DPYSL3: variants seen among roughly 807,000 people sequenced by gnomAD.
DPYSL3 encodes the protein dihydropyrimidinase-related protein 3.
Under a neutral mutation model 66.1 loss-of-function variants are expected in DPYSL3, and 16 were observed. The observed-to-expected ratio is 0.24, with a 90% CI of 0.16 to 0.37. The LOEUF is 0.37. DPYSL3 is among the 10% of genes least tolerant of loss of function. The probability of loss-of-function intolerance (pLI) is 1.00; values close to 1 mark genes in which losing one functional copy is unlikely to be tolerated. For synonymous variants in DPYSL3, 338 were observed against 345.1 expected, an observed-to-expected ratio of 0.98 and a Z score of 0.23; for missense variants, 738 against 916.2, an observed-to-expected ratio of 0.81 and a Z score of 2.51.
Position 147,509,405 on chromosome 5 carries a change from TGCCCGG to T in DPYSL3, c.381+67_381+72del. 2 of 1,439,074 alleles carry T rather than the reference TGCCCGG, an allele frequency of 1.4e-6. No individual in the cohort carries two copies. The highest frequency in any genetic ancestry group is 1.8e-6 in the Non-Finnish European group (2 of 1,098,522). The allele number at this position is 1,439,074 out of a possible 1,614,324, so 89.1% of individuals were successfully genotyped here. A position where few individuals can be genotyped will look rare whatever the true frequency, so the allele number is the denominator to read the frequency against. ...GTGCAAAGTGAGCTGGAGAAAGTTGTGCCCGGGCCATGGCGGCCAGGGCTGGAGAAA... is the reference window on the plus strand; with the variant it reads ...GTGCAAAGTGAGCTGGAGAAAGTTGTGCCATGGCGGCCAGGGCTGGAGAAA... On this transcript the variant is annotated intron_variant, in intron 1 of 13. Transcript: ENST00000343218. This position sits in a 1 kb window ranked among gnomAD's most constrained non-coding sequence, Gnocchi z 5.3.
chr5:147,400,803 G>A lies in DPYSL3; in HGVS notation c.1341C>T (p.His447=). The part of the protein sequence containing the change: ...SGDLQLSGSA[H]CTFSTAQKAI... The stretch of plus-strand genomic sequence containing the variant: ...CTTTCTGGGCAGTGCTGAAGGTGCA[G>A]TGGGCACTCCCAGATAGCTGCAGAT... The change falls in exon 10 of 14, where the codon CAC becomes CAT. Residue 447 remains histidine, a synonymous_variant. Coordinates refer to ENST00000343218, the MANE Select transcript of DPYSL3 (RefSeq NM_001197294.2). 1 of 1,614,160 alleles carries A rather than the reference G, an allele frequency of 6.2e-7. No homozygotes were observed. Among genetic ancestry groups the A allele is most frequent in the East Asian group, 2.2e-5 (1 of 44,884 alleles).
intron 6 of DPYSL3, among the ~76,000 whole-genome samples, chr5:147,410,469 C>G (rs1374654318): frequency 2.6e-5 from 4 of 152,092 alleles, no homozygotes; most frequent in Non-Finnish European, 5.9e-5. Flanking sequence ...CTGATGCTAC[C>G]TTACATGGGG....
chr5:147,480,328 G>A (rs1035381904), intron 1 of DPYSL3, among the ~76,000 whole-genome samples: 1 of 152,148 alleles, frequency 6.6e-6, no homozygotes, highest in Non-Finnish European at 1.5e-5. Flanking sequence ...AACCTGTAGG[G>A]CAGCACCCCT....
intron 1 of DPYSL3, among the ~76,000 whole-genome samples, chr5:147,491,100 C>A (rs1286610427): frequency 6.6e-6 from 1 of 152,180 alleles, no homozygotes; most frequent in African/African-American, 2.4e-5. Flanking sequence ...GCCTAACCTA[C>A]TTGGAGAACA....
rs1478112708 is a variant in DPYSL3, at chr5:147,410,489, G to A, written c.964-1693C>T. 2.0e-5 allele frequency among the ~76,000 whole-genome samples: 3 copies of A among 152,046 alleles called. No homozygotes were observed. In the East Asian group the frequency reaches 5.8e-4, roughly 29 times the overall value. On this transcript the variant is annotated intron_variant, in intron 6 of 13. Coordinates refer to ENST00000343218, the MANE Select transcript of DPYSL3 (RefSeq NM_001197294.2). ...GCTACCTTACATGGGGATAGCAGTGGGCCTGTTGTGGCATTCATCACAGCT... is the reference window on the plus strand; with the variant it reads ...GCTACCTTACATGGGGATAGCAGTGAGCCTGTTGTGGCATTCATCACAGCT...
rs1753734487 is a variant in DPYSL3 at position 147,509,830 on chromosome 5, C to T, written c.29G>A (p.Ser10Asn). The T allele has an allele frequency of 2.0e-6, 3 of 1,533,036 alleles. No individual in the cohort carries two copies. Among genetic ancestry groups the T allele is most frequent in the Non-Finnish European group, 1.7e-6 (2 of 1,144,678 alleles). 95.0% of individuals were successfully genotyped at this position (1,533,036 alleles called of 1,614,324 possible). A position where few individuals can be genotyped will look rare whatever the true frequency, so the allele number is the denominator to read the frequency against. Reference sequence around the variant, plus strand: ...CACGGGCAGATCGTCTTCGTGGGAGCTGTCCCAGCCCCTCCGGCCCGAGGC... The same window carrying T: ...CACGGGCAGATCGTCTTCGTGGGAGTTGTCCCAGCCCCTCCGGCCCGAGGC... MASGRRGWD[S>N]SHEDDLPVYL... The change falls in exon 1 of 14, where the codon AGC becomes AAC. Residue 10 changes from serine (S) to asparagine (N), a missense_variant. Physicochemically the swap from Ser to Asn is conservative, Grantham distance 46. Transcript: ENST00000343218. The surrounding 1 kb of genome is among the most constrained non-coding windows in gnomAD (Gnocchi z 5.3).
chr5:147,497,895 CTTCTCTCTCTCTCTCTCTCT>C (rs1161169234), intron 1 of DPYSL3, among the ~76,000 whole-genome samples: 1 of 150,876 alleles, frequency 6.6e-6, no homozygotes, highest in Non-Finnish European at 1.5e-5. Flanking sequence ...CCTTCCTTCC[CTTCTCTCTCTCTCTCTCTCT>C]TTCTCTCTCT....
At position 147,510,030 on chromosome 5, in the gene DPYSL3, C is replaced by A; in HGVS notation, c.-172G>T. Reference sequence around the variant, plus strand: ...TGCTTGTCCCTAGCGAGCCAGCGAGCCACACAGCCAGCTAGCGCGCGGAGC... The same window carrying A: ...TGCTTGTCCCTAGCGAGCCAGCGAGACACACAGCCAGCTAGCGCGCGGAGC... On this transcript the variant is annotated 5_prime_UTR_variant, in exon 1 of 14. Transcript: ENST00000343218. 2 of 1,137,504 alleles carry A rather than the reference C, an allele frequency of 1.8e-6. No individual in the cohort carries two copies. The highest frequency in any genetic ancestry group is 2.4e-6 in the Non-Finnish European group (2 of 839,594). 70.5% of individuals were successfully genotyped at this position (1,137,504 alleles called of 1,614,324 possible).
At chr5:147,493,411 A>C (rs1753445885) in intron 1 of DPYSL3, among the ~76,000 whole-genome samples, 1 of 152,170 alleles carries the variant, frequency 6.6e-6, no homozygotes, top group African/African-American at 2.4e-5. Flanking sequence ...CATCTCTACA[A>C]AAAATTTAAC....
chr5:147,425,251 C>T (rs576506960), intron 1 of DPYSL3, among the ~76,000 whole-genome samples: 14 of 152,268 alleles, frequency 9.2e-5, no homozygotes, highest in African/African-American at 2.9e-4. Flanking sequence ...GGGAGACATC[C>T]TTTATATTAT....
chr5:147,419,566 C>T (rs1426600930), intron 2 of DPYSL3, among the ~76,000 whole-genome samples: 1 of 152,160 alleles, frequency 6.6e-6, no homozygotes, highest in Non-Finnish European at 1.5e-5. Flanking sequence ...AACAGGGAGA[C>T]CTATGATTCA....
At chr5:147,402,341 C>CTTTTTTTTTTTTTTTTTTTT in intron 8 of DPYSL3, among the ~76,000 whole-genome samples, 1 of 135,048 alleles carries the variant, frequency 7.4e-6, no homozygotes, top group Non-Finnish European at 1.5e-5. Context: ...ACTCTCATGA[C>CTTTTTTTTTTTTTTTTTTTT]TTTTTTTTTT....
intron 4 of DPYSL3, among the ~76,000 whole-genome samples, chr5:147,413,982 T>G (rs1751911872): frequency 6.6e-6 from 1 of 152,204 alleles, no homozygotes; most frequent in Non-Finnish European, 1.5e-5. Context: ...GCATTAAGAA[T>G]CACTCTAGCA....
chr5:147,448,797 G>C (rs1240276974), intron 1 of DPYSL3, among the ~76,000 whole-genome samples: 6 of 152,194 alleles, frequency 3.9e-5, no homozygotes, highest in Non-Finnish European at 5.9e-5. Context: ...TATACCTGAG[G>C]CCTTCTCCTA....
chr5:147,506,026 T>G (rs1204592713), intron 1 of DPYSL3, among the ~76,000 whole-genome samples: 1 of 148,098 alleles, frequency 6.8e-6, no homozygotes, highest in Non-Finnish European at 1.5e-5. Flanking sequence ...TGGGGTTCAA[T>G]TTCCTTATCG....
At chr5:147,505,152 A>T (rs943147790) in intron 1 of DPYSL3, among the ~76,000 whole-genome samples, 5 of 152,188 alleles carry the variant, frequency 3.3e-5, no homozygotes, top group Non-Finnish European at 7.3e-5. Context: ...CTCTAAATAC[A>T]CAATTTAAGA....
rs1757783087 is a variant in DPYSL3, at chr5:147,390,987, C to G, written c.*3048G>C. On this transcript the variant is annotated 3_prime_UTR_variant, in exon 14 of 14. Transcript: ENST00000343218. ...AGATCACAGGAGATTACTGTCTGTC[C>G]ATACCCACCAGACACAGAACTGAAC... The G allele has an allele frequency of 6.5e-6, 1 of 152,704 alleles. No homozygotes were observed. Among genetic ancestry groups the G allele is most frequent in the South Asian group, 2.1e-4 (1 of 4,830 alleles). 9.5% of individuals were successfully genotyped at this position (152,704 alleles called of 1,614,324 possible).
intron 4 of DPYSL3, 57 bp downstream of exon 4, chr5:147,415,652 G>A: frequency 6.3e-7 from 1 of 1,582,428 alleles, no homozygotes; most frequent in Non-Finnish European, 8.6e-7. Flanking sequence ...GGATGGTGTT[G>A]GAAGGACTGG....
chr5:147,457,265 C>T (rs1057309652), intron 1 of DPYSL3, among the ~76,000 whole-genome samples: 1 of 152,260 alleles, frequency 6.6e-6, no homozygotes, highest in East Asian at 1.9e-4. Context: ...CTTTTTACCA[C>T]ATGACATATT....
Sources: gnomAD v4.1 joint callset for allele counts (sites outside exome capture counted in the v4.1 genomes callset) on GRCh38, gnomAD v4.1.1 for gene constraint, Gnocchi (gnomAD v3.1) non-coding constraint, MANE v1.5 for transcripts, NCBI Gene and HGNC (gene_info 2026-07-23, HGNC 2026-07-21) for gene names.